GTF2H1: variants seen among roughly 807,000 people sequenced by gnomAD.
GTF2H1 encodes the protein BTF2 p62.
Under a neutral mutation model 71.2 loss-of-function variants are expected in GTF2H1, and 16 were observed. That is an observed-to-expected ratio of 0.22 (90% CI 0.15 to 0.34). The LOEUF (loss-of-function observed/expected upper bound fraction) is 0.34, where lower values mean the gene tolerates loss of function less well. GTF2H1 is among the 10% of genes least tolerant of loss of function. The pLI, the probability that GTF2H1 is intolerant of heterozygous loss-of-function variation, is 1.00. For missense variants in GTF2H1, 498 were observed against 648.2 expected (o/e 0.77, Z 2.52); for synonymous variants, 215 against 219.0 (o/e 0.98, Z 0.16).
intron 1 of GTF2H1, among the ~76,000 whole-genome samples, chr11:18,329,032 G>A (rs1274544781): frequency 6.6e-6 from 1 of 152,056 alleles, no homozygotes; most frequent in Admixed American, 6.6e-5. Flanking sequence ...ATATCAAAAT[G>A]GGATTGTAAG....
chr11:18,333,890 T>G (rs1013648718), intron 2 of GTF2H1, among the ~76,000 whole-genome samples: 2 of 152,230 alleles, frequency 1.3e-5, no homozygotes, highest in Non-Finnish European at 2.9e-5. Context: ...TGTGGCCATC[T>G]TCTGTTGAGA....
At chr11:18,349,396 T>C (rs753689087) in intron 9 of GTF2H1, among the ~76,000 whole-genome samples, 3 of 152,190 alleles carry the variant, frequency 2.0e-5, no homozygotes, top group African/African-American at 7.2e-5. Context: ...TATCAGAAAT[T>C]TCTTGGCCAG....
chr11:18,324,767 T>A (rs1590177281), intron 1 of GTF2H1, among the ~76,000 whole-genome samples: 1 of 152,198 alleles, frequency 6.6e-6, no homozygotes, highest in Non-Finnish European at 1.5e-5. Flanking sequence ...CTGATTACTC[T>A]TCTCTCAATT....
intron 5 of GTF2H1, among the ~76,000 whole-genome samples, chr11:18,340,582 C>T (rs4150595): frequency 0.017 from 2,610 of 152,310 alleles, 53 homozygotes; most frequent in African/African-American, 0.052. Flanking sequence ...GCCACAGCAT[C>T]TGGCTCTTTT....
intron 1 of GTF2H1, among the ~76,000 whole-genome samples, chr11:18,331,296 TC>T (rs1864889778): frequency 6.6e-6 from 1 of 152,100 alleles, no homozygotes; most frequent in Admixed American, 6.5e-5. Context: ...GCTCAAGTGA[TC>T]CACCTGCCAC....
chr11:18,347,504 C>A, intron 7 of GTF2H1, 84 bp from the exon 8 acceptor site: 2 of 924,924 alleles, frequency 2.2e-6, no homozygotes, highest in Non-Finnish European at 3.1e-6. Context: ...TCCCATCATC[C>A]AGCAAATTTT....
At chr11:18,339,110 T>C (rs1423063062) in intron 4 of GTF2H1, among the ~76,000 whole-genome samples, 2 of 152,238 alleles carry the variant, frequency 1.3e-5, no homozygotes, top group African/African-American at 4.8e-5. Context: ...ACCAGAATAG[T>C]ATTAACACAT....
chr11:18,351,964 A>G lies in GTF2H1; in HGVS notation c.1137A>G (p.Ser379=), dbSNP rs1172797137. 1.2e-5 allele frequency: 18 copies of G among 1,558,292 alleles called. No homozygotes were observed. Among genetic ancestry groups the G allele is most frequent in the Admixed American group, 3.4e-5 (2 of 59,656 alleles). ...VKTIALNLKK[S]DRYYHGPTPI... ...CGATTGCACTAAACCTCAAGAAGTC[A>G]GATAGGTAAGTTTGGTCAATATTAA... The change falls in exon 10 of 15, where the codon TCA becomes TCG. Residue 379 remains serine (S), a synonymous_variant. Transcript: ENST00000265963.
intron 1 of GTF2H1, among the ~76,000 whole-genome samples, chr11:18,329,979 G>T (rs1329333737): frequency 6.6e-6 from 1 of 152,162 alleles, no homozygotes; most frequent in African/African-American, 2.4e-5. Flanking sequence ...AGTTGCTAGA[G>T]GTTGGGGAAA....
intron 11 of GTF2H1, among the ~76,000 whole-genome samples, chr11:18,352,909 C>G (rs767625024): frequency 5.9e-5 from 9 of 152,238 alleles, no homozygotes; most frequent in Admixed American, 2.0e-4. Context: ...TTCCATAATG[C>G]TACTGCAAGT....
chr11:18,352,274 A>G (rs1428044647), intron 10 of GTF2H1, 55 bp from the exon 11 acceptor site: 1 of 809,062 alleles, frequency 1.2e-6, no homozygotes, highest in Non-Finnish European at 2.1e-6. Flanking sequence ...GCAAAGACAA[A>G]TGTTGAGCAT....
chr11:18,332,229 G>C (rs1366340756), intron 1 of GTF2H1, among the ~76,000 whole-genome samples: 1 of 152,222 alleles, frequency 6.6e-6, no homozygotes, highest in Non-Finnish European at 1.5e-5. Context: ...CCATTCCTCT[G>C]GGGATGAAAA....
chr11:18,344,184 T>G (rs4150623), intron 7 of GTF2H1, among the ~76,000 whole-genome samples: 5,043 of 137,676 alleles, frequency 0.037, 273 homozygotes, highest in African/African-American at 0.12. Flanking sequence ...ACAATACACC[T>G]CTCATCTGTG....
chr11:18,347,761 T>C (rs1590192473), intron 8 of GTF2H1, 46 bp downstream of exon 8: 1 of 1,603,300 alleles, frequency 6.2e-7, no homozygotes, highest in East Asian at 2.2e-5. Context: ...TTTCAGGATA[T>C]CCAGATGGAG....
In GTF2H1 at chr11:18,344,382, G is replaced by A. The variant is rs4150630; in HGVS notation, c.837+2775G>A. ...TGCCTGTGATCGAGCACTTTGGGAC[G>A]CCAAGGTGGGTGGATCACCTGAGGT... On this transcript the variant is annotated intron_variant, in intron 7 of 14. Coordinates refer to ENST00000265963, the MANE Select transcript of GTF2H1 (RefSeq NM_005316.4). Among the ~76,000 whole-genome samples the A allele has an allele frequency of 3.1e-3, 479 of 152,142 alleles. 1 individual carries two copies. The highest frequency in any genetic ancestry group is 5.1e-3 in the Non-Finnish European group (349 of 67,990).
rs1452236880 is a variant in GTF2H1, at chr11:18,334,402, G to A, written c.154+1174G>A. 3.9e-5 allele frequency among the ~76,000 whole-genome samples: 6 copies of A among 152,270 alleles called. No homozygotes were observed. The South Asian group carries it at 1.0e-3, about 26-fold the overall frequency. The stretch of plus-strand genomic sequence containing the variant: ...AAAAGACATATATTTCTGAGAGAAT[G>A]CCCTACAAATTTCTGTTACTAGCTA... On this transcript the variant is annotated intron_variant, in intron 2 of 14. Transcript: ENST00000265963.
At chr11:18,360,587 G>C (rs778737229) in intron 13 of GTF2H1, 28 bp from the exon 14 acceptor site, 3 of 1,086,268 alleles carry the variant, frequency 2.8e-6, no homozygotes, top group Non-Finnish European at 4.1e-6. Flanking sequence ...AGATTTCTCT[G>C]TAATTTATTG....
chr11:18,340,906 C>T (rs914052551), intron 5 of GTF2H1, among the ~76,000 whole-genome samples: 3 of 152,274 alleles, frequency 2.0e-5, no homozygotes. Flanking sequence ...ATATTGAGAT[C>T]ATTATTACCC....
intron 13 of GTF2H1, 124 bp downstream of exon 13, chr11:18,358,764 C>T (rs1042327134): frequency 3.8e-5 from 24 of 630,426 alleles, no homozygotes; most frequent in Middle Eastern, 3.3e-4. Context: ...TTGCATACAT[C>T]GTTTCATGTA....
Sources: gnomAD v4.1 joint callset for allele counts (sites outside exome capture counted in the v4.1 genomes callset) on GRCh38, gnomAD v4.1.1 for gene constraint, MANE v1.5 for transcripts, NCBI Gene and HGNC (gene_info 2026-07-23, HGNC 2026-07-21) for gene names.